Variants in HTR3A observed in about 807,000 individuals in gnomAD.
HTR3A encodes 5-hydroxytryptamine receptor 3A, also known as 5-hydroxytryptamine (serotonin) receptor 3A, ionotropic.
A neutral mutation model predicts 54.8 loss-of-function variants in HTR3A; 45 were observed. The ratio of observed to expected loss-of-function variants is 0.82; its 90% CI spans 0.65 to 1.05. The LOEUF (loss-of-function observed/expected upper bound fraction) is 1.05, where lower values mean the gene tolerates loss of function less well. HTR3A is among the 50% of genes least tolerant of loss of function. The pLI, the probability that HTR3A is intolerant of heterozygous loss-of-function variation, is 0.00. For missense variants in HTR3A, 657 were observed against 614.0 expected, an observed-to-expected ratio of 1.07 and a Z score of -0.74; for synonymous variants, 297 against 256.0, an observed-to-expected ratio of 1.16 and a Z score of -1.53.
At chr11:113,984,729 C>T (rs1488806274) in intron 5 of HTR3A, among the ~76,000 whole-genome samples, 2 of 152,070 alleles carry the variant, frequency 1.3e-5, no homozygotes, top group Admixed American at 1.3e-4. Flanking sequence ...CCATCCTGGC[C>T]AACATGGTGA....
rs1950391453 is a variant in HTR3A, at chr11:113,979,217, C to T, written c.220-16C>T. The T allele has an allele frequency of 6.2e-7, 1 of 1,611,830 alleles. No homozygotes were observed. ...GTCCACAGGGTTACTTGTTCAAGCT[C>T]CCTTTCCTTTCCCAGGATGAGAAGA... On this transcript the variant is annotated splice_polypyrimidine_tract_variant and intron_variant, in intron 2 of 8. Coordinates refer to ENST00000504030, the MANE Select transcript of HTR3A (RefSeq NM_000869.6).
intron 8 of HTR3A, among the ~76,000 whole-genome samples, chr11:113,988,337 A>C (rs1950516223): frequency 6.6e-6 from 1 of 152,254 alleles, no homozygotes; most frequent in Non-Finnish European, 1.5e-5. Context: ...AGGCAACAAA[A>C]TAGAGCAGAA....
chr11:113,986,028 C>T lies in HTR3A; in HGVS notation c.558C>T (p.Asn186=). 1 of 1,614,152 alleles carries T rather than the reference C, an allele frequency of 6.2e-7. No homozygotes were observed. The highest frequency in any genetic ancestry group is 1.1e-5 in the South Asian group (1 of 91,078). The change falls in exon 6 of 9, where the codon AAC becomes AAT. Residue 186 remains asparagine (N), a synonymous_variant. Transcript: ENST00000504030. ...TSWLHTIQDI[N]ISLWRLPEKV... ...ATTCTCTCTCAGTCCAGGACATCAACATCTCTTTGTGGCGCTTGCCAGAAA... is the reference window on the plus strand; with the variant it reads ...ATTCTCTCTCAGTCCAGGACATCAATATCTCTTTGTGGCGCTTGCCAGAAA...
At chr11:113,988,164 T>C (rs1298346091) in intron 8 of HTR3A, among the ~76,000 whole-genome samples, 1 of 152,246 alleles carries the variant, frequency 6.6e-6, no homozygotes, top group Admixed American at 6.5e-5. Flanking sequence ...CATGAGATTT[T>C]TGGCTCATCT....
At chr11:113,978,726 CACA>C (rs1271658285) in intron 2 of HTR3A, among the ~76,000 whole-genome samples, 1 of 152,160 alleles carries the variant, frequency 6.6e-6, no homozygotes, top group Non-Finnish European at 1.5e-5. Context: ...CACAGTGGCT[CACA>C]CCTGTAATCC....
chr11:113,977,926 A>G lies in HTR3A; in HGVS notation c.219+4A>G. 4 of 1,614,204 alleles carry G rather than the reference A, an allele frequency of 2.5e-6. No individual in the cohort carries two copies. In the South Asian group the frequency reaches 4.4e-5, roughly 18 times the overall value. On this transcript the variant is annotated splice_donor_region_variant and intron_variant, in intron 2 of 8. Coordinates refer to ENST00000504030, the MANE Select transcript of HTR3A (RefSeq NM_000869.6). ...TGTCTATGCCATCCTCAACGTGGTG[A>G]GGCTCAGCCCCGAGCTGCACACAGG...
chr11:113,988,441 C>T (rs1950517221), intron 8 of HTR3A, among the ~76,000 whole-genome samples: 1 of 152,214 alleles, frequency 6.6e-6, no homozygotes, highest in Non-Finnish European at 1.5e-5. Context: ...GTCACCTAAC[C>T]TCTCTCAGCT....
At chr11:113,979,709 CTT>C (rs1950398139) in intron 3 of HTR3A, among the ~76,000 whole-genome samples, 1 of 152,182 alleles carries the variant, frequency 6.6e-6, no homozygotes, top group Non-Finnish European at 1.5e-5. Flanking sequence ...TTTCCCCACT[CTT>C]TTAGCTTCTG....
rs766245986 is a variant in HTR3A, at chr11:113,983,210, T to G, written c.465T>G (p.Thr155=). The part of the protein sequence containing the change: ...VQNYKPLQVV[T]ACSLDIYNFP... ...ACTACAAGCCCCTTCAGGTGGTGAC[T>G]GCCTGTAGCCTCGACATCTACAACT... The change falls in exon 5 of 9, where the codon ACT becomes ACG. Residue 155 remains threonine (T), a synonymous_variant. Coordinates refer to ENST00000504030, the MANE Select transcript of HTR3A (RefSeq NM_000869.6). 6.2e-7 allele frequency: 1 copy of G among 1,614,248 alleles called. No individual in the cohort carries two copies. The highest frequency in any genetic ancestry group is 2.2e-5 in the East Asian group (1 of 44,886).
In HTR3A at chr11:113,975,324, C is replaced by T. The variant is rs1029499556; in HGVS notation, c.-2C>T. ...GGCACTCCTATGCTTGGAAAGCTCG[C>T]TATGCTGCTGTGGGTCCAGCAGGCG... On this transcript the variant is annotated 5_prime_UTR_variant, in exon 1 of 9. Transcript: ENST00000504030. 1.3e-5 allele frequency: 21 copies of T among 1,613,452 alleles called. No homozygotes were observed. Among genetic ancestry groups the T allele is most frequent in the Non-Finnish European group, 1.7e-5 (20 of 1,180,004 alleles).
rs536633052 is a variant in HTR3A, at chr11:113,975,511, A to G, written c.67+119A>G. On this transcript the variant is annotated intron_variant, in intron 1 of 8. Transcript: ENST00000504030. ...GGTGGGGAACAGTGCAGCTGCAGGA[A>G]GGTCAGCTATCTTACCACCTATGAG... 38 of 802,750 alleles carry G rather than the reference A, an allele frequency of 4.7e-5. 1 individual carries two copies. The highest frequency in any genetic ancestry group is 4.1e-4 in the South Asian group (28 of 68,542). The allele number at this position is 802,750 out of a possible 1,614,324, so 49.7% of individuals were successfully genotyped here.
chr11:113,977,716 A>G, intron 1 of HTR3A, 55 bp from the exon 2 acceptor site: 3 of 1,595,198 alleles, frequency 1.9e-6, no homozygotes, highest in Non-Finnish European at 2.6e-6. Context: ...AGGACAAGAG[A>G]ACCGGGGGAA....
intron 6 of HTR3A, 51 bp downstream of exon 6, chr11:113,986,226 G>A (rs1211195076): frequency 1.2e-6 from 2 of 1,607,446 alleles, no homozygotes; most frequent in Admixed American, 3.3e-5. Flanking sequence ...TCACATCCAG[G>A]TAGACTTAAG....
Position 113,989,778 on chromosome 11 carries a change from G to T in HTR3A, c.*15G>T. 6.2e-7 allele frequency: 1 copy of T among 1,605,832 alleles called. No individual in the cohort carries two copies. The stretch of plus-strand genomic sequence containing the variant: ...AGTACGCTTGAGTGGGTACAGCCCA[G>T]TGGAGGAGGGGGTACAGTCCTGGTT... On this transcript the variant is annotated 3_prime_UTR_variant, in exon 9 of 9. Transcript: ENST00000504030. This position sits in a 1 kb window ranked among gnomAD's most constrained non-coding sequence, Gnocchi z 4.4.
intron 8 of HTR3A, among the ~76,000 whole-genome samples, chr11:113,988,826 T>C (rs2137588379): frequency 6.6e-6 from 1 of 152,312 alleles, no homozygotes; most frequent in African/African-American, 2.4e-5. Flanking sequence ...CTACTCTGCC[T>C]CTTTTGTGAG....
rs138466531 is a variant in HTR3A at position 113,985,475 on chromosome 11, T to C, written c.545-540T>C. 3.2e-4 allele frequency among the ~76,000 whole-genome samples: 48 copies of C among 152,324 alleles called. No homozygotes were observed. The East Asian group carries it at 9.1e-3, about 29-fold the overall frequency. ...TGATGGATATTTCAGTATTTTCCAA[T>C]ATTTTGCTGCAATAGATACTTCTGT... On this transcript the variant is annotated intron_variant, in intron 5 of 8. Coordinates refer to ENST00000504030, the MANE Select transcript of HTR3A (RefSeq NM_000869.6).
chr11:113,975,384 A>G lies in HTR3A; in HGVS notation c.59A>G (p.Gln20Arg). ...TTGCTCCTCCCCACACTCCTGGCACAGGGAGAAGGTAAGCAGACTTCGGGA... is the reference window on the plus strand; with the variant it reads ...TTGCTCCTCCCCACACTCCTGGCACGGGGAGAAGGTAAGCAGACTTCGGGA... Reference protein sequence around the residue: ...LALLLPTLLAQGEARRSRNTT... With the variant: ...LALLLPTLLARGEARRSRNTT... Residue 20 changes from glutamine to arginine, a missense_variant, in exon 1 of 9, where the codon CAG becomes CGG. Transcript: ENST00000504030. 2 of 1,612,184 alleles carry G rather than the reference A, an allele frequency of 1.2e-6. No individual in the cohort carries two copies. The highest frequency in any genetic ancestry group is 1.7e-6 in the Non-Finnish European group (2 of 1,179,814).
intron 1 of HTR3A, chr11:113,977,562 G>C: frequency 6.5e-7 from 1 of 1,546,716 alleles, no homozygotes; most frequent in South Asian, 1.2e-5. Flanking sequence ...TGAATGCATA[G>C]GTCCTTTCTA....
intron 4 of HTR3A, among the ~76,000 whole-genome samples, chr11:113,981,850 C>T (rs1458294034): frequency 6.6e-6 from 1 of 151,626 alleles, no homozygotes; most frequent in Non-Finnish European, 1.5e-5. Context: ...CCCAGCTACT[C>T]GGGCAGCTGA....
Sources: gnomAD v4.1 joint callset for allele counts (sites outside exome capture counted in the v4.1 genomes callset) on GRCh38, gnomAD v4.1.1 for gene constraint, Gnocchi (gnomAD v3.1) non-coding constraint, MANE v1.5 for transcripts, NCBI Gene and HGNC (gene_info 2026-07-23, HGNC 2026-07-21) for gene names.